The following ABCB6 variants were observed in gnomAD, a reference collection of about 807,000 sequenced individuals.
ABCB6 encodes the protein ATP binding cassette subfamily B member 6 (LAN blood group), also known as ATP-binding cassette sub-family B member 6.
ABCB6 carries 87 observed loss-of-function variants against 99.4 expected under a neutral mutation model. The observed-to-expected ratio is 0.88, with a 90% CI of 0.74 to 1.05. ABCB6 has a LOEUF of 1.05. Ranked by LOEUF, ABCB6 falls within the 50% of genes least tolerant of loss-of-function variation. The pLI is 0.00. For synonymous variants in ABCB6, 482 were observed against 447.5 expected, an observed-to-expected ratio of 1.08 and a Z score of -0.97; for missense variants, 1,050 against 1,097.9, an observed-to-expected ratio of 0.96 and a Z score of 0.62.
Position 219,218,470 on chromosome 2 carries a change from A to C in ABCB6, c.204T>G (p.Pro68=), listed in dbSNP as rs1354186650. ...GADSLSWGAG[P]RISPYVLQLL... ...GCTGCAGCACGTAGGGAGAGATGCG[A>C]GGGCCGGCCCCCCAAGACAGCGAAT... Residue 68 remains proline, a synonymous_variant, in exon 1 of 19, where the codon CCT becomes CCG. Coordinates refer to ENST00000265316, the MANE Select transcript of ABCB6 (RefSeq NM_005689.4). 1 of 1,607,866 alleles carries C rather than the reference A, an allele frequency of 6.2e-7. No individual in the cohort carries two copies. Among genetic ancestry groups the C allele is most frequent in the Non-Finnish European group, 8.5e-7 (1 of 1,177,652 alleles).
rs1559236804 is a variant in ABCB6, at chr2:219,214,200, AC to A, written c.1387-15del. ...GTAATACTTCACCTGATGAATTCAA[AC>A]CAAATTTATTTGGCATGGGCACAGC... On this transcript the variant is annotated splice_polypyrimidine_tract_variant and intron_variant, in intron 7 of 18. Transcript: ENST00000265316. 6.2e-7 allele frequency: 1 copy of A among 1,614,004 alleles called. No homozygotes were observed. Among genetic ancestry groups the A allele is most frequent in the South Asian group, 1.1e-5 (1 of 91,076 alleles).
At chr2:219,212,959 A>T in intron 13 of ABCB6, 49 bp downstream of exon 13, 2 of 1,596,894 alleles carry the variant, frequency 1.3e-6, no homozygotes, top group Non-Finnish European at 1.7e-6. Flanking sequence ...TGGGCACTGA[A>T]TGAGGGAAGC....
rs779596625 is a variant in ABCB6, at chr2:219,213,518, G to A, written c.1656-16C>T. The A allele has an allele frequency of 6.8e-6, 11 of 1,614,076 alleles. No homozygotes were observed. The highest frequency in any genetic ancestry group is 1.7e-5 in the Admixed American group (1 of 60,012). On this transcript the variant is annotated splice_polypyrimidine_tract_variant and intron_variant, in intron 10 of 18. Coordinates refer to ENST00000265316, the MANE Select transcript of ABCB6 (RefSeq NM_005689.4). ...CTGGATCATCCTGCAAAAAGGTGCT[G>A]GTTAGGACTTCTCTGAGTAGCCAGG...
At position 219,215,410 on chromosome 2, in the gene ABCB6, G is replaced by A; in HGVS notation, c.1155-328C>T. On this transcript the variant is annotated intron_variant, in intron 5 of 18. Transcript: ENST00000265316. ...ACCTCCACAATGCCATATTAGTTCTGTGAGTCTGCATATATAATATGTATG... is the reference window on the plus strand; with the variant it reads ...ACCTCCACAATGCCATATTAGTTCTATGAGTCTGCATATATAATATGTATG... 4.5e-5 allele frequency: 13 copies of A among 289,202 alleles called. No individual in the cohort carries two copies. The South Asian group carries it at 4.9e-4, about 11-fold the overall frequency. 17.9% of individuals were successfully genotyped at this position (289,202 alleles called of 1,614,324 possible).
At chr2:219,213,208 G>A (rs771909792) in intron 12 of ABCB6, 33 bp downstream of exon 12, 41 of 1,612,168 alleles carry the variant, frequency 2.5e-5, no homozygotes, top group Middle Eastern at 3.3e-4. Flanking sequence ...GCAAATGAAC[G>A]GAAAAGCAAA....
In ABCB6 at chr2:219,209,971, A is replaced by G. The variant is rs1206201060; in HGVS notation, c.2496T>C (p.Ser832=). ...CCATGGTCTGAGGCTTAGTGTCTTC[A>G]GAGGTTTCTTCCTGTCCCTGCTGCA... ...WQLQQGQEET[S]EDTKPQTMER is the part of the protein sequence containing the mutation. Residue 832 remains serine, a synonymous_variant, in exon 19 of 19, where the codon TCT becomes TCC. Coordinates refer to ENST00000265316, the MANE Select transcript of ABCB6 (RefSeq NM_005689.4). 1 of 1,614,206 alleles carries G rather than the reference A, an allele frequency of 6.2e-7. No individual in the cohort carries two copies. The highest frequency in any genetic ancestry group is 1.7e-5 in the Admixed American group (1 of 60,024).
chr2:219,218,069 T>A, intron 1 of ABCB6, 56 bp downstream of exon 1: 2 of 1,538,164 alleles, frequency 1.3e-6, no homozygotes, highest in Non-Finnish European at 1.7e-6. Context: ...GGACATGCAG[T>A]GCTTTCTCCC....
At chr2:219,217,332 C>T (rs1275897781) in intron 2 of ABCB6, among the ~76,000 whole-genome samples, 2 of 147,490 alleles carry the variant, frequency 1.4e-5, no homozygotes, top group African/African-American at 2.5e-5. Context: ...GCCTGGGTGA[C>T]GGAGCAAGAT....
chr2:219,214,092 C>T, intron 8 of ABCB6, 29 bp downstream of exon 8: 1 of 1,613,710 alleles, frequency 6.2e-7, no homozygotes, highest in Non-Finnish European at 8.5e-7. Context: ...GGGCATTATT[C>T]TCCGGAGGCC....
chr2:219,214,909 C>T, intron 6 of ABCB6, 52 bp downstream of exon 6: 1 of 1,610,240 alleles, frequency 6.2e-7, no homozygotes. Context: ...AGCTCATGGC[C>T]AAGGGAGTCC....
chr2:219,210,320 G>A (rs764481777), intron 17 of ABCB6, 22 bp from the exon 18 acceptor site: 41 of 1,614,062 alleles, frequency 2.5e-5, no homozygotes, highest in Non-Finnish European at 3.2e-5. Flanking sequence ...AAGATCAGTC[G>A]CCTACTACCC....
Position 219,214,201 on chromosome 2 carries a change from C to T in ABCB6, c.1387-15G>A, listed in dbSNP as rs1950612397. On this transcript the variant is annotated splice_polypyrimidine_tract_variant and intron_variant, in intron 7 of 18. Coordinates refer to ENST00000265316, the MANE Select transcript of ABCB6 (RefSeq NM_005689.4). ...TAATACTTCACCTGATGAATTCAAA[C>T]CAAATTTATTTGGCATGGGCACAGC... The T allele has an allele frequency of 1.2e-6, 2 of 1,614,048 alleles. No homozygotes were observed. Among genetic ancestry groups the T allele is most frequent in the African/African-American group, 1.3e-5 (1 of 75,048 alleles).
rs746147116 is a variant in ABCB6 at position 219,216,060 on chromosome 2, C to A, written c.1091G>T (p.Arg364Leu). The A allele has an allele frequency of 1.2e-6, 2 of 1,606,918 alleles. No individual in the cohort carries two copies. Among genetic ancestry groups the A allele is most frequent in the South Asian group, 2.2e-5 (2 of 90,110 alleles). Residue 364 changes from arginine to leucine, a missense_variant, in exon 5 of 19, where the codon CGC becomes CTC. Transcript: ENST00000265316. The surrounding 1 kb of genome is among the most constrained non-coding windows in gnomAD (Gnocchi z 4.2). ...HELSLRWHLGRRTGEVLRIAD... is the reference protein window; with the variant it reads ...HELSLRWHLGLRTGEVLRIAD... ...GATCCGCAGCACCTCCCCTGTGCGGCGCCCCAGGTGCCAGCGCAGTGAGAG... is the reference window on the plus strand; with the variant it reads ...GATCCGCAGCACCTCCCCTGTGCGGAGCCCCAGGTGCCAGCGCAGTGAGAG...
Position 219,218,576 on chromosome 2 carries a change from G to A in ABCB6, c.98C>T (p.Pro33Leu), listed in dbSNP as rs1463709693. ...LSPCFFFTLV[P>L]STRMALGTLA... The stretch of plus-strand genomic sequence containing the variant: ...AGTCCCCAGAGCCATCCGCGTCGAG[G>A]GCACGAGCGTGAAGAAGAAGCAGGG... Residue 33 changes from proline (P) to leucine (L), a missense_variant, in exon 1 of 19, where the codon CCC becomes CTC. Coordinates refer to ENST00000265316, the MANE Select transcript of ABCB6 (RefSeq NM_005689.4). 5.0e-6 allele frequency: 8 copies of A among 1,612,500 alleles called. No homozygotes were observed. The highest frequency in any genetic ancestry group is 5.9e-6 in the Non-Finnish European group (7 of 1,179,690).
rs1306001472 is a variant in ABCB6 at position 219,218,725 on chromosome 2, G to A, written c.-52C>T. On this transcript the variant is annotated 5_prime_UTR_variant, in exon 1 of 19. Transcript: ENST00000265316. Reference sequence around the variant, plus strand: ...TGCGGGCACTGCGGGACCGGAGGCCGGGACTGGTCACTCGGAGAGGGGCGC... The same window carrying A: ...TGCGGGCACTGCGGGACCGGAGGCCAGGACTGGTCACTCGGAGAGGGGCGC... 5.4e-6 allele frequency: 8 copies of A among 1,489,812 alleles called. No homozygotes were observed. The highest frequency in any genetic ancestry group is 7.1e-6 in the Non-Finnish European group (8 of 1,119,766). 92.3% of individuals were successfully genotyped at this position (1,489,812 alleles called of 1,614,324 possible). A position where few individuals can be genotyped will look rare whatever the true frequency, so the allele number is the denominator to read the frequency against.
intron 14 of ABCB6, among the ~76,000 whole-genome samples, chr2:219,211,621 C>CTTTTTTTTTTTTTTTT (rs34408255): frequency 4.6e-5 from 4 of 87,850 alleles, no homozygotes; most frequent in Admixed American, 1.3e-4. Context: ...ATCGTTGTAC[C>CTTTTTTTTTTTTTTTT]TTTTTTTTTT....
rs756900456 is a variant in ABCB6 at position 219,210,362 on chromosome 2, C to T, written c.2351+19G>A. On this transcript the variant is annotated intron_variant, in intron 17 of 18. Coordinates refer to ENST00000265316, the MANE Select transcript of ABCB6 (RefSeq NM_005689.4). ...AAGCGGGCCACATCACCAGCCGCCCCAGGCCTGTAGTCCTGTACCTGTGTG... is the reference window on the plus strand; with the variant it reads ...AAGCGGGCCACATCACCAGCCGCCCTAGGCCTGTAGTCCTGTACCTGTGTG... 1.8e-5 allele frequency: 29 copies of T among 1,614,244 alleles called. No homozygotes were observed. The South Asian group carries it at 3.2e-4, about 18-fold the overall frequency.
intron 18 of ABCB6, 76 bp from the exon 19 acceptor site, chr2:219,210,122 G>A (rs1950556971): frequency 6.3e-7 from 1 of 1,596,186 alleles, no homozygotes; most frequent in South Asian, 1.1e-5. Context: ...CCACAGAGAG[G>A]ACGGGATGGG....
chr2:219,213,126 C>T, intron 12 of ABCB6, 61 bp from the exon 13 acceptor site: 1 of 1,605,066 alleles, frequency 6.2e-7, no homozygotes, highest in South Asian at 1.1e-5. Flanking sequence ...GCTAGTAGGC[C>T]CTGCCCCTCC....
Sources: allele counts gnomAD v4.1 joint callset (sites outside exome capture counted in the v4.1 genomes callset), GRCh38; gene constraint gnomAD v4.1.1; non-coding constraint Gnocchi (gnomAD v3.1); transcripts MANE v1.5; gene names NCBI Gene and HGNC (gene_info 2026-07-23, HGNC 2026-07-21).